PCDH15: variants seen among roughly 807,000 people sequenced by gnomAD.
The protein encoded by PCDH15 is protocadherin-15.
PCDH15 carries 129 observed loss-of-function variants against 178.5 expected under a neutral mutation model. That is an observed-to-expected ratio of 0.72 (90% confidence interval 0.63 to 0.84). PCDH15 has a LOEUF of 0.84. Among genes scored for constraint, PCDH15 ranks in the 40% least tolerant of loss-of-function variants. The pLI, the probability that PCDH15 is intolerant of heterozygous loss-of-function variation, is 0.00. For synonymous variants in PCDH15, 800 were observed against 732.0 expected, an observed-to-expected ratio of 1.09 and a Z score of -1.50; for missense variants, 2,230 against 2,099.9, an observed-to-expected ratio of 1.06 and a Z score of -1.21.
intron 2 of PCDH15, among the ~76,000 whole-genome samples, chr10:55,531,416 T>C (rs944538152): frequency 3.9e-5 from 6 of 152,016 alleles, no homozygotes; most frequent in African/African-American, 1.4e-4. Flanking sequence ...CTCTTATTAA[T>C]GGCTATTAAA....
intron 8 of PCDH15, among the ~76,000 whole-genome samples, chr10:54,239,570 TAA>T (rs2055023286): frequency 6.6e-6 from 1 of 151,962 alleles, no homozygotes; most frequent in Non-Finnish European, 1.5e-5. Flanking sequence ...ATATTTTACA[TAA>T]AGCCATTTGG....
rs190838183 is a variant in PCDH15 at position 55,593,351 on chromosome 10, T to G, written c.-156+34274A>C. Among the ~76,000 whole-genome samples the G allele has an allele frequency of 1.4e-4, 22 of 152,106 alleles. 1 individual carries two copies. The highest frequency in any genetic ancestry group is 5.1e-4 in the African/African-American group (21 of 41,580). On this transcript the variant is annotated intron_variant, in intron 2 of 5. Coordinates refer to the PCDH15 transcript ENST00000613346. ...AGATTATAGGTGTTTCTAACAAATT[T>G]TACTGTTGTTTATGTATGCTATAGA...
chr10:53,818,893 T>G (rs2076156174), intron 33 of PCDH15, among the ~76,000 whole-genome samples: 1 of 152,026 alleles, frequency 6.6e-6, no homozygotes, highest in African/African-American at 2.4e-5. Flanking sequence ...AGAAAAATTT[T>G]TAAAAAATGT....
intron 15 of PCDH15, among the ~76,000 whole-genome samples, chr10:54,113,390 T>C (rs184585695): frequency 1.3e-5 from 2 of 152,292 alleles, no homozygotes; most frequent in East Asian, 3.9e-4. Context: ...CATCATTCTC[T>C]GAGGCAGCAA....
chr10:53,940,869 C>G lies in PCDH15; in HGVS notation c.3229G>C (p.Glu1077Gln). The G allele has an allele frequency of 6.2e-7, 1 of 1,607,200 alleles. No homozygotes were observed. Among genetic ancestry groups the G allele is most frequent in the Non-Finnish European group, 8.5e-7 (1 of 1,173,826 alleles). The stretch of plus-strand genomic sequence containing the variant: ...CACAAACTAAAAGTCTACTCACCTT[C>G]TTCATTTCCTGAAACAATGGAGTAC... ...IVYSIVSGNE[E>Q]DTFGINNITG... Residue 1077 changes from glutamate (E) to glutamine (Q), a missense_variant, in exon 24 of 38, where the codon GAA becomes CAA. By Grantham distance (29) the Glu-to-Gln change is conservative. Transcript: ENST00000644397.
rs918315767 is a variant in PCDH15, at chr10:55,573,386, T to C, written c.-156+54239A>G. Among the ~76,000 whole-genome samples, 6 of 152,246 alleles carry C rather than the reference T, an allele frequency of 3.9e-5. No individual in the cohort carries two copies. The East Asian group carries it at 7.7e-4, about 20-fold the overall frequency. On this transcript the variant is annotated intron_variant, in intron 2 of 5. Transcript: ENST00000613346. Reference sequence around the variant, plus strand: ...ATATTCAGTTGGGAAGAAAGTTAGATACCAGGATCTGTCTTTCAAGATGAA... The same window carrying C: ...ATATTCAGTTGGGAAGAAAGTTAGACACCAGGATCTGTCTTTCAAGATGAA...
intron 2 of PCDH15, among the ~76,000 whole-genome samples, chr10:55,352,134 C>T (rs991019181): frequency 4.6e-5 from 7 of 152,000 alleles, no homozygotes; most frequent in Non-Finnish European, 8.8e-5. Context: ...GCAGTTTTTG[C>T]ATTGTTGAAA....
At chr10:54,556,561 G>C (rs961795820) in intron 2 of PCDH15, among the ~76,000 whole-genome samples, 4 of 151,342 alleles carry the variant, frequency 2.6e-5, no homozygotes, top group Non-Finnish European at 4.4e-5. Flanking sequence ...CCATCACTCT[G>C]GAGAGATTAC....
intron 2 of PCDH15, among the ~76,000 whole-genome samples, chr10:55,449,261 C>T (rs1234239408): frequency 6.6e-6 from 1 of 152,002 alleles, no homozygotes; most frequent in African/African-American, 2.4e-5. Flanking sequence ...AGAATGGTAC[C>T]ACTACCTGCT....
At chr10:54,558,278 G>A (rs1419145137) in intron 2 of PCDH15, among the ~76,000 whole-genome samples, 3 of 152,084 alleles carry the variant, frequency 2.0e-5, no homozygotes, top group Non-Finnish European at 4.4e-5. Flanking sequence ...TCTATGAAAG[G>A]ATAAAATCAT....
chr10:54,697,515 G>GTATATATATATATA (rs141387823), intron 1 of PCDH15, among the ~76,000 whole-genome samples: 22 of 143,054 alleles, frequency 1.5e-4, no homozygotes, highest in African/African-American at 5.0e-4. Context: ...TGAAATGTGT[G>GTATATATATATATA]TATATATATA....
At chr10:55,510,955 G>C (rs1283036321) in intron 2 of PCDH15, among the ~76,000 whole-genome samples, 1 of 151,248 alleles carries the variant, frequency 6.6e-6, no homozygotes, top group African/African-American at 2.4e-5. Context: ...CAATCTCCTG[G>C]GTTCAAGTGA....
intron 2 of PCDH15, among the ~76,000 whole-genome samples, chr10:55,111,836 A>ACCGTTGGTGGGGG: frequency 6.6e-6 from 1 of 152,334 alleles, no homozygotes; most frequent in Admixed American, 6.5e-5. Context: ...CTGGGCAACA[A>ACCGTTGGTGGGGG]GAGTGAAACT....
chr10:55,264,029 G>T (rs941406422), intron 1 of PCDH15, among the ~76,000 whole-genome samples: 1 of 151,974 alleles, frequency 6.6e-6, no homozygotes, highest in African/African-American at 2.4e-5. Flanking sequence ...CCACCGCCCC[G>T]GGCCTGTTTT....
At chr10:53,847,510 GC>G (rs2078052737) in intron 28 of PCDH15, among the ~76,000 whole-genome samples, 1 of 151,964 alleles carries the variant, frequency 6.6e-6, no homozygotes, top group Admixed American at 6.6e-5. Flanking sequence ...ATGCCATGGA[GC>G]ATTTTGTTCA....
At chr10:54,538,325 T>C (rs1362403805) in intron 2 of PCDH15, among the ~76,000 whole-genome samples, 1 of 152,164 alleles carries the variant, frequency 6.6e-6, no homozygotes, top group Admixed American at 6.5e-5. Flanking sequence ...TAATTCTGTA[T>C]GTGGCTAGCC....
At position 54,652,096 on chromosome 10, in the gene PCDH15, G is replaced by C. The variant is rs894928586; in HGVS notation, c.91+12076C>G. Among the ~76,000 whole-genome samples, 5 of 152,250 alleles carry C rather than the reference G, an allele frequency of 3.3e-5. No individual in the cohort carries two copies. In the South Asian group the frequency reaches 1.0e-3, roughly 32 times the overall value. ...TAGGAAAAGGGAGTAAATGTAGATA[G>C]AAAATGACATATTCCCTTGTACTGC... On this transcript the variant is annotated intron_variant, in intron 2 of 37. Transcript: ENST00000644397.
Position 53,840,454 on chromosome 10 carries a change from C to A in PCDH15, c.3849G>T (p.Lys1283Asn). ...GAGCTCCAATGGACTCCACTACGAC[C>A]TTGGCACCAGGAATTTGTTCCTGAA... ...RYVQEQIPGAKVVVESIGARR... is the reference protein window; with the variant it reads ...RYVQEQIPGANVVVESIGARR... The change falls in exon 29 of 38, where the codon AAG becomes AAT. Residue 1283 changes from lysine (K) to asparagine (N), a missense_variant. By Grantham distance (94) the Lys-to-Asn change is moderately conservative. Transcript: ENST00000644397. 2 of 1,614,082 alleles carry A rather than the reference C, an allele frequency of 1.2e-6. No homozygotes were observed. The highest frequency in any genetic ancestry group is 1.7e-6 in the Non-Finnish European group (2 of 1,179,962).
intron 17 of PCDH15, among the ~76,000 whole-genome samples, chr10:54,070,999 G>A (rs745633492): frequency 4.6e-5 from 7 of 152,026 alleles, no homozygotes; most frequent in Admixed American, 3.3e-4. Context: ...AATACACAAT[G>A]CATTATTTGA....
Sources: gnomAD v4.1 joint callset for allele counts (sites outside exome capture counted in the v4.1 genomes callset) on GRCh38, gnomAD v4.1.1 for gene constraint, MANE v1.5 for transcripts, NCBI Gene and HGNC (gene_info 2026-07-23, HGNC 2026-07-21) for gene names.